Variants in TENT4B observed in about 807,000 individuals in gnomAD.
The protein encoded by TENT4B is terminal nucleotidyltransferase 4B, also known as PAP associated domain containing 5.
A neutral mutation model predicts 75.0 loss-of-function variants in TENT4B; 10 were observed. The ratio of observed to expected loss-of-function variants is 0.13; its 90% CI spans 0.08 to 0.23. The LOEUF is 0.23. Ranked by LOEUF, TENT4B falls within the 10% of genes least tolerant of loss-of-function variation. The pLI is 1.00. For synonymous variants in TENT4B, 350 were observed against 357.7 expected, an observed-to-expected ratio of 0.98 and a Z score of 0.24; for missense variants, 579 against 893.8, an observed-to-expected ratio of 0.65 and a Z score of 4.49.
At chr16:50,210,958 C>A (rs1434127970) in intron 1 of TENT4B, among the ~76,000 whole-genome samples, 1 of 152,200 alleles carries the variant, frequency 6.6e-6, no homozygotes, top group East Asian at 1.9e-4. Context: ...AGGAATGGAT[C>A]CCCAAGAGAT....
chr16:50,198,782 T>C (rs1408934139), intron 1 of TENT4B, among the ~76,000 whole-genome samples: 2 of 152,190 alleles, frequency 1.3e-5, no homozygotes, highest in African/African-American at 2.4e-5. Flanking sequence ...CAACTACTTA[T>C]AGATTTTACA....
intron 5 of TENT4B, among the ~76,000 whole-genome samples, chr16:50,220,743 G>A (rs11866862): frequency 0.02 from 3,063 of 151,666 alleles, 99 homozygotes; most frequent in African/African-American, 0.071. Context: ...TGGCCAGGCT[G>A]GTCTTGAACT....
intron 1 of TENT4B, among the ~76,000 whole-genome samples, chr16:50,173,957 G>A (rs1335502799): frequency 6.6e-6 from 1 of 152,042 alleles, no homozygotes; most frequent in Non-Finnish European, 1.5e-5. Flanking sequence ...GCCTCCCAAA[G>A]TGCTGGGATT....
chr16:50,209,455 G>A (rs539237776), intron 1 of TENT4B, among the ~76,000 whole-genome samples: 22 of 152,272 alleles, frequency 1.4e-4, no homozygotes, highest in African/African-American at 5.3e-4. Flanking sequence ...ACAAAACTTC[G>A]AAACGGAAGT....
intron 3 of TENT4B, among the ~76,000 whole-genome samples, chr16:50,214,988 T>G (rs1567508677): frequency 6.6e-6 from 1 of 152,232 alleles, no homozygotes; most frequent in Non-Finnish European, 1.5e-5. Context: ...GAACTCATTC[T>G]ACTAGTTATG....
At chr16:50,219,193 A>G (rs531811499) in intron 5 of TENT4B, among the ~76,000 whole-genome samples, 2 of 152,214 alleles carry the variant, frequency 1.3e-5, no homozygotes, top group East Asian at 1.9e-4. Context: ...ATAAAGAGAC[A>G]GTGTAAAGTG....
chr16:50,187,807 T>C (rs1343833793), intron 1 of TENT4B, among the ~76,000 whole-genome samples: 1 of 150,708 alleles, frequency 6.6e-6, no homozygotes, highest in African/African-American at 2.4e-5. Flanking sequence ...GGAGGATTCC[T>C]TGAGCCGAGG....
chr16:50,153,561 G>C lies in TENT4B; in HGVS notation c.-61G>C. The C allele has an allele frequency of 1.0e-6, 1 of 978,850 alleles. No homozygotes were observed. 60.6% of individuals were successfully genotyped at this position (978,850 alleles called of 1,614,324 possible). A position where few individuals can be genotyped will look rare whatever the true frequency, so the allele number is the denominator to read the frequency against. ...CCGAGGCCGGGCGTGCGCCTGAGGCGGCGGCGGCGGCGGCCCTGCGGGCGG... is the reference window on the plus strand; with the variant it reads ...CCGAGGCCGGGCGTGCGCCTGAGGCCGCGGCGGCGGCGGCCCTGCGGGCGG... On this transcript the variant is annotated 5_prime_UTR_variant, in exon 1 of 12. Transcript: ENST00000561678.
At position 50,204,174 on chromosome 16, in the gene TENT4B, A is replaced by G. The variant is rs764501803; in HGVS notation, c.639-7149A>G. On this transcript the variant is annotated intron_variant, in intron 1 of 11. Transcript: ENST00000561678. ...AGGGGACTTCAGTAATCATGCAGCA[A>G]TGGCCTGGAAAAGGGAGAGGCTCAT... Among the ~76,000 whole-genome samples, 4 of 152,158 alleles carry G rather than the reference A, an allele frequency of 2.6e-5. No individual in the cohort carries two copies. In the South Asian group the frequency reaches 8.3e-4, roughly 32 times the overall value.
intron 7 of TENT4B, among the ~76,000 whole-genome samples, chr16:50,224,169 T>G (rs2031945365): frequency 6.6e-6 from 1 of 152,220 alleles, no homozygotes; most frequent in Non-Finnish European, 1.5e-5. Context: ...TCTATGTGTT[T>G]ATTCATTGAG....
intron 1 of TENT4B, among the ~76,000 whole-genome samples, chr16:50,189,868 G>T (rs2038605847): frequency 6.6e-6 from 1 of 151,804 alleles, no homozygotes; most frequent in Admixed American, 6.6e-5. Flanking sequence ...CTTGAGATCA[G>T]GAGTTCGAGA....
intron 3 of TENT4B, among the ~76,000 whole-genome samples, chr16:50,215,141 A>G (rs1181987001): frequency 6.6e-6 from 1 of 152,222 alleles, no homozygotes; most frequent in Non-Finnish European, 1.5e-5. Flanking sequence ...CTTTTGGGAA[A>G]TGATAATGTT....
intron 1 of TENT4B, among the ~76,000 whole-genome samples, chr16:50,154,818 C>T (rs1340179085): frequency 1.3e-5 from 2 of 152,204 alleles, no homozygotes; most frequent in Non-Finnish European, 2.9e-5. Context: ...CCCTGTAAGG[C>T]ATTGCCTGCT....
At chr16:50,226,542 C>T (rs952165165) in intron 10 of TENT4B, among the ~76,000 whole-genome samples, 29 of 152,270 alleles carry the variant, frequency 1.9e-4, no homozygotes, top group African/African-American at 6.5e-4. Context: ...TGCCATTCTG[C>T]CTCAGCCTCC....
chr16:50,206,857 T>G (rs1343324706), intron 1 of TENT4B, among the ~76,000 whole-genome samples: 2 of 151,890 alleles, frequency 1.3e-5, no homozygotes, highest in Non-Finnish European at 2.9e-5. Context: ...CACATAATTT[T>G]GATAGGCTGG....
In TENT4B at chr16:50,233,256, G is replaced by C; in HGVS notation, c.*3928G>C. The C allele has an allele frequency of 1.0e-6, 1 of 985,372 alleles. No homozygotes were observed. Among genetic ancestry groups the C allele is most frequent in the Non-Finnish European group, 1.2e-6 (1 of 829,906 alleles). 61.0% of individuals were successfully genotyped at this position (985,372 alleles called of 1,614,324 possible). A position where few individuals can be genotyped will look rare whatever the true frequency, so the allele number is the denominator to read the frequency against. ...GATTTATATATGAAATTCCTTAAAA[G>C]AGTTCATCTTGCCTTGGTTTCTGAC... On this transcript the variant is annotated 3_prime_UTR_variant, in exon 12 of 12. Transcript: ENST00000561678.
At chr16:50,173,863 T>G (rs2038252371) in intron 1 of TENT4B, among the ~76,000 whole-genome samples, 1 of 151,410 alleles carries the variant, frequency 6.6e-6, no homozygotes, top group Non-Finnish European at 1.5e-5. Flanking sequence ...CCGGCTAGTT[T>G]TTGTATTTTT....
chr16:50,231,524 C>G lies in TENT4B; in HGVS notation c.*2196C>G. On this transcript the variant is annotated 3_prime_UTR_variant, in exon 12 of 12. Coordinates refer to ENST00000561678, the MANE Select transcript of TENT4B (RefSeq NM_001365324.3). Reference sequence around the variant, plus strand: ...TGAAAGTAAATGTACTCTTAGGGTGCGAATATTAGTGTTCCAATAAGCATG... The same window carrying G: ...TGAAAGTAAATGTACTCTTAGGGTGGGAATATTAGTGTTCCAATAAGCATG... The G allele has an allele frequency of 1.0e-6, 1 of 985,560 alleles. No homozygotes were observed. The highest frequency in any genetic ancestry group is 1.2e-6 in the Non-Finnish European group (1 of 829,856). 61.1% of individuals were successfully genotyped at this position (985,560 alleles called of 1,614,324 possible).
chr16:50,178,777 A>G (rs528768859), intron 1 of TENT4B, among the ~76,000 whole-genome samples: 5 of 152,200 alleles, frequency 3.3e-5, no homozygotes, highest in Non-Finnish European at 5.9e-5. Flanking sequence ...GTAATTCAGT[A>G]ATTAGAATAA....
Sources: gnomAD v4.1 joint callset for allele counts (sites outside exome capture counted in the v4.1 genomes callset) on GRCh38, gnomAD v4.1.1 for gene constraint, MANE v1.5 for transcripts, NCBI Gene and HGNC (gene_info 2026-07-23, HGNC 2026-07-21) for gene names.